The following VPS33A variants were observed in gnomAD, a reference collection of about 807,000 sequenced individuals.
The protein encoded by VPS33A is VPS33A core subunit of CORVET and HOPS complexes.
Under a neutral mutation model 71.8 loss-of-function variants are expected in VPS33A, and 32 were observed. That is an observed-to-expected ratio of 0.45 (90% confidence interval 0.34 to 0.60). The LOEUF is 0.60. VPS33A is among the 20% of genes least tolerant of loss of function. The pLI, the probability that VPS33A is intolerant of heterozygous loss-of-function variation, is 0.02. For synonymous variants in VPS33A, 311 were observed against 292.7 expected, an observed-to-expected ratio of 1.06 and a Z score of -0.64; for missense variants, 625 against 748.5, an observed-to-expected ratio of 0.84 and a Z score of 1.92.
intron 10 of VPS33A, among the ~76,000 whole-genome samples, chr12:122,237,108 G>A (rs1954638819): frequency 6.6e-6 from 1 of 152,180 alleles, no homozygotes. Context: ...GTACTTAACT[G>A]TCACTGGTAA....
rs781643343 is a variant in VPS33A at position 122,232,339 on chromosome 12, C to T, written c.1698G>A (p.Gln566=). ...CATATTCTGTACCTCCATCTTCCAA[C>T]TGGGAGAGAAATCGCAGGGCAGCAA... The part of the protein sequence containing the change: ...AEIAALRFLS[Q]LEDGGTEYVI... Residue 566 remains glutamine, a synonymous_variant, in exon 13 of 13, where the codon CAG becomes CAA. Transcript: ENST00000267199. 10 of 1,614,220 alleles carry T rather than the reference C, an allele frequency of 6.2e-6. No homozygotes were observed. The South Asian group carries it at 1.1e-4, about 18-fold the overall frequency.
At chr12:122,237,958 AT>A (rs968445302) in intron 10 of VPS33A, among the ~76,000 whole-genome samples, 12 of 151,016 alleles carry the variant, frequency 7.9e-5, no homozygotes, top group Non-Finnish European at 1.3e-4. Flanking sequence ...AAATTTTTGT[AT>A]TTTTTTTGTA....
In VPS33A at chr12:122,251,074, G is replaced by T. The variant is rs553739291; in HGVS notation, c.509C>A (p.Thr170Lys). The T allele has an allele frequency of 1.4e-4, 226 of 1,613,628 alleles. 3 individuals are homozygous for T. In the South Asian group the frequency reaches 2.4e-3, roughly 17 times the overall value. The change falls in exon 5 of 13, where the codon ACG becomes AAG. Residue 170 changes from threonine (T) to lysine (K), a missense_variant. Coordinates refer to ENST00000267199, the MANE Select transcript of VPS33A (RefSeq NM_022916.6). ...CCCCTTGGCTGCGTGGTACAGGCTCGTCTGGTCACCCTCCAGGTAGCACTC... is the reference window on the plus strand; with the variant it reads ...CCCCTTGGCTGCGTGGTACAGGCTCTTCTGGTCACCCTCCAGGTAGCACTC... ...FKECYLEGDQ[T>K]SLYHAAKGLM... is the part of the protein sequence containing the mutation.
chr12:122,257,177 A>C (rs553593254), intron 4 of VPS33A, among the ~76,000 whole-genome samples: 12 of 152,076 alleles, frequency 7.9e-5, no homozygotes, highest in African/African-American at 4.8e-5. Flanking sequence ...CTGTAATTCC[A>C]GCACTTTCAG....
intron 4 of VPS33A, among the ~76,000 whole-genome samples, chr12:122,260,137 G>A (rs139361673): frequency 1.3e-5 from 2 of 152,212 alleles, no homozygotes; most frequent in East Asian, 1.9e-4. Flanking sequence ...GAAAGATAGC[G>A]ACAGACTGCT....
In VPS33A at chr12:122,232,294, T is replaced by C. The variant is rs766438463; in HGVS notation, c.1743A>G (p.Leu581=). Reference sequence around the variant, plus strand: ...CCTCTATCCAACTGGTTCCATTCATTAGTTTAGTGGTGGCAATGACATATT... The same window carrying C: ...CCTCTATCCAACTGGTTCCATTCATCAGTTTAGTGGTGGCAATGACATATT... ...GTEYVIATTK[L]MNGTSWIEAL... is the part of the protein sequence containing the mutation. Residue 581 remains leucine, a synonymous_variant, in exon 13 of 13, where the codon CTA becomes CTG. Transcript: ENST00000267199. 35 of 1,614,072 alleles carry C rather than the reference T, an allele frequency of 2.2e-5. No individual in the cohort carries two copies. The highest frequency in any genetic ancestry group is 2.5e-5 in the Non-Finnish European group (30 of 1,180,010).
At chr12:122,258,138 C>T (rs1225005686) in intron 4 of VPS33A, among the ~76,000 whole-genome samples, 1 of 151,854 alleles carries the variant, frequency 6.6e-6, no homozygotes, top group African/African-American at 2.4e-5. Flanking sequence ...ACCTGTAATC[C>T]CAGCACTTTG....
At position 122,250,028 on chromosome 12, in the gene VPS33A, C is replaced by A; in HGVS notation, c.618G>T (p.Met206Ile). 6.2e-7 allele frequency: 1 copy of A among 1,610,880 alleles called. No homozygotes were observed. The highest frequency in any genetic ancestry group is 1.1e-5 in the South Asian group (1 of 90,440). ...GECARQVANM[M>I]IRMKREFTGS... ...CTGTAAACTCTCTCTTCATCCTGAT[C>A]ATCATATTGGCCACTTGCTGGAAAC... The change falls in exon 6 of 13, where the codon ATG becomes ATT. Residue 206 changes from methionine to isoleucine, a missense_variant. Met to Ile is a conservative substitution (Grantham distance 10, BLOSUM62 1). Coordinates refer to ENST00000267199, the MANE Select transcript of VPS33A (RefSeq NM_022916.6).
intron 6 of VPS33A, among the ~76,000 whole-genome samples, chr12:122,246,621 A>C (rs1168948009): frequency 6.6e-6 from 1 of 150,828 alleles, no homozygotes; most frequent in Non-Finnish European, 1.5e-5. Context: ...TTTAATTGAG[A>C]CACAGTCTCA....
At chr12:122,242,312 T>C in intron 8 of VPS33A, 70 bp downstream of exon 8, 1 of 1,573,094 alleles carries the variant, frequency 6.4e-7, no homozygotes, top group Non-Finnish European at 8.7e-7. Context: ...GTGGTGTTGA[T>C]GACCTAGGTG....
At chr12:122,250,233 C>T (rs1403531544) in intron 5 of VPS33A, 188 bp from the exon 6 acceptor site, 2 of 578,352 alleles carry the variant, frequency 3.5e-6, no homozygotes, top group East Asian at 3.0e-5. Context: ...TGCACCAAGG[C>T]AGCTGCCATT....
At chr12:122,245,338 T>G (rs1954763563) in intron 6 of VPS33A, among the ~76,000 whole-genome samples, 1 of 151,924 alleles carries the variant, frequency 6.6e-6, no homozygotes, top group Non-Finnish European at 1.5e-5. Flanking sequence ...GCTCATGATA[T>G]AAAATACATT....
At chr12:122,258,945 C>CCACT (rs1954953403) in intron 4 of VPS33A, among the ~76,000 whole-genome samples, 1 of 147,994 alleles carries the variant, frequency 6.8e-6, no homozygotes, top group Non-Finnish European at 1.5e-5. Flanking sequence ...CGAGATCGCA[C>CCACT]CACTGTACTC....
rs775739442 is a variant in VPS33A, at chr12:122,263,557, C to A, written c.296+15G>T. On this transcript the variant is annotated intron_variant, in intron 3 of 12. Transcript: ENST00000267199. Reference sequence around the variant, plus strand: ...GAACCAAACTCTTTTGGATCAAACACAAGCTCTGAGATACCTGAGCACGTT... The same window carrying A: ...GAACCAAACTCTTTTGGATCAAACAAAAGCTCTGAGATACCTGAGCACGTT... 1 of 1,586,152 alleles carries A rather than the reference C, an allele frequency of 6.3e-7. No homozygotes were observed. Among genetic ancestry groups the A allele is most frequent in the Non-Finnish European group, 8.6e-7 (1 of 1,165,218 alleles).
chr12:122,261,521 C>T, intron 3 of VPS33A, 74 bp from the exon 4 acceptor site: 1 of 1,361,684 alleles, frequency 7.3e-7, no homozygotes, highest in Non-Finnish European at 1.0e-6. Flanking sequence ...TTTATCCCCA[C>T]TGCCTGGCAC....
At chr12:122,254,395 A>ACCC (rs1226854782) in intron 4 of VPS33A, among the ~76,000 whole-genome samples, 3 of 51,182 alleles carry the variant, frequency 5.9e-5, no homozygotes, top group Non-Finnish European at 7.6e-5. Flanking sequence ...CCCCCAATCC[A>ACCC]CCCCCCCGCC....
At chr12:122,245,237 A>G (rs1239338986) in intron 6 of VPS33A, among the ~76,000 whole-genome samples, 4 of 152,226 alleles carry the variant, frequency 2.6e-5, no homozygotes, top group African/African-American at 9.6e-5. Context: ...ACGCTGTTAG[A>G]GAAGCTAGTG....
chr12:122,239,872 A>C lies in VPS33A; in HGVS notation c.1164+6T>G. On this transcript the variant is annotated splice_donor_region_variant and intron_variant, in intron 9 of 12. Transcript: ENST00000267199. ...ACTTGTTAAAGAGGTTTTTTTGTCC[A>C]CATACCTTATCAGTGTCTATTCCAG... 1 of 1,608,106 alleles carries C rather than the reference A, an allele frequency of 6.2e-7. No homozygotes were observed. The highest frequency in any genetic ancestry group is 8.5e-7 in the Non-Finnish European group (1 of 1,176,926).
At chr12:122,261,160 T>C (rs1954988428) in intron 4 of VPS33A, 101 bp downstream of exon 4, 2 of 990,834 alleles carry the variant, frequency 2.0e-6, no homozygotes, top group Non-Finnish European at 2.9e-6. Flanking sequence ...AATAAACATA[T>C]AAAATGGGAC....
Sources: gnomAD v4.1 joint callset for allele counts (sites outside exome capture counted in the v4.1 genomes callset) on GRCh38, gnomAD v4.1.1 for gene constraint, MANE v1.5 for transcripts, NCBI Gene and HGNC (gene_info 2026-07-23, HGNC 2026-07-21) for gene names.